MYO5C: variants seen among roughly 807,000 people sequenced by gnomAD.
MYO5C encodes the protein unconventional myosin-Vc.
Under a neutral mutation model 235.7 loss-of-function variants are expected in MYO5C, and 194 were observed. The ratio of observed to expected loss-of-function variants is 0.82; its 90% CI spans 0.73 to 0.93. The LOEUF is 0.93. Ranked by LOEUF, MYO5C falls within the 40% of genes least tolerant of loss-of-function variation. The pLI, the probability that MYO5C is intolerant of heterozygous loss-of-function variation, is 0.00. For synonymous variants in MYO5C, 707 were observed against 754.8 expected, an observed-to-expected ratio of 0.94 and a Z score of 1.04; for missense variants, 2,038 against 2,127.2, an observed-to-expected ratio of 0.96 and a Z score of 0.82.
At chr15:52,253,977 C>G (rs1189503287) in intron 11 of MYO5C, among the ~76,000 whole-genome samples, 1 of 99,642 alleles carries the variant, frequency 1.0e-5, no homozygotes, top group East Asian at 3.2e-4. Flanking sequence ...GTTTGGCTGG[C>G]AGGTGGTGAG....
Position 52,193,755 on chromosome 15 carries a change from AGT to A in MYO5C, c.*145_*146del. 2 of 766,656 alleles carry A rather than the reference AGT, an allele frequency of 2.6e-6. No homozygotes were observed. Among genetic ancestry groups the A allele is most frequent in the Non-Finnish European group, 4.2e-6 (2 of 480,130 alleles). 47.5% of individuals were successfully genotyped at this position (766,656 alleles called of 1,614,324 possible). The stretch of plus-strand genomic sequence containing the variant: ...TTACAGGAGCAGCATTGTCACTGTG[AGT>A]GAGAGATGATGTGGTCCATTTGAGA... On this transcript the variant is annotated 3_prime_UTR_variant, in exon 41 of 41. Transcript: ENST00000261839.
At chr15:52,268,504 G>A (rs957338258) in intron 8 of MYO5C, among the ~76,000 whole-genome samples, 7 of 151,734 alleles carry the variant, frequency 4.6e-5, no homozygotes, top group East Asian at 1.9e-4. Flanking sequence ...CAGAGGTTGC[G>A]CCACTGCACT....
chr15:52,247,385 C>T (rs2036373507), intron 15 of MYO5C, 73 bp downstream of exon 15: 2 of 1,533,766 alleles, frequency 1.3e-6, no homozygotes, highest in Admixed American at 2.0e-5. Flanking sequence ...GAATGCGGGT[C>T]CTCTGAGTGC....
intron 10 of MYO5C, among the ~76,000 whole-genome samples, chr15:52,259,276 C>T (rs1031237697): frequency 6.6e-6 from 1 of 151,798 alleles, no homozygotes; most frequent in Admixed American, 6.6e-5. Context: ...AAAAATCAGC[C>T]GGGCGTAGTG....
intron 33 of MYO5C, chr15:52,213,557 G>C (rs1012148952): frequency 3.8e-6 from 1 of 264,596 alleles, no homozygotes. Context: ...CCAGCACATG[G>C]TAACAGGAAA....
In MYO5C at chr15:52,206,402, C is replaced by T. The variant is rs558028729; in HGVS notation, c.4387-436G>A. ...GTGTGTTATGGATTTTATGTGTCTT[C>T]CTAAAAATCATACATTGAAGCCCTA... On this transcript the variant is annotated intron_variant, in intron 36 of 40. Coordinates refer to ENST00000261839, the MANE Select transcript of MYO5C (RefSeq NM_018728.4). Among the ~76,000 whole-genome samples the T allele has an allele frequency of 3.3e-5, 5 of 152,190 alleles. No homozygotes were observed. In the South Asian group the frequency reaches 8.3e-4, roughly 25 times the overall value.
At chr15:52,218,082 C>G (rs2035593631) in intron 32 of MYO5C, among the ~76,000 whole-genome samples, 1 of 152,212 alleles carries the variant, frequency 6.6e-6, no homozygotes, top group African/African-American at 2.4e-5. Flanking sequence ...CCATCGACAT[C>G]ATGATCATTT....
intron 21 of MYO5C, among the ~76,000 whole-genome samples, chr15:52,238,876 C>T (rs933498298): frequency 2.0e-5 from 3 of 151,580 alleles, no homozygotes; most frequent in Admixed American, 6.6e-5. Context: ...CTCCTGACCT[C>T]GTGATCCACC....
In MYO5C at chr15:52,214,663, C is replaced by G. The variant is rs751596445; in HGVS notation, c.3982G>C (p.Asp1328His). The G allele has an allele frequency of 6.2e-7, 1 of 1,607,484 alleles. No homozygotes were observed. The highest frequency in any genetic ancestry group is 1.1e-5 in the South Asian group (1 of 89,966). The change falls in exon 33 of 41, where the codon GAC (aspartate) becomes CAC (histidine). Residue 1328 changes from aspartate to histidine, a missense_variant. By Grantham distance (81) the Asp-to-His change is moderately conservative. Coordinates refer to ENST00000261839, the MANE Select transcript of MYO5C (RefSeq NM_018728.4). Reference sequence around the variant, plus strand: ...TCTTGTAGCTTTTTAATCACTCTGTCTTTCATGTCTAATTCTTCTTCAAGA... The same window carrying G: ...TCTTGTAGCTTTTTAATCACTCTGTGTTTCATGTCTAATTCTTCTTCAAGA... ...RDLEEELDMK[D>H]RVIKKLQDQV... is the part of the protein sequence containing the mutation.
chr15:52,250,289 C>G (rs1053538866), intron 13 of MYO5C, among the ~76,000 whole-genome samples: 1 of 133,570 alleles, frequency 7.5e-6, no homozygotes, highest in African/African-American at 2.8e-5. Context: ...GTCAGCCAGG[C>G]TGGAGTGCAG....
rs1185303699 is a variant in MYO5C at position 52,271,846 on chromosome 15, T to C, written c.751-2A>G. On this transcript the variant is annotated splice_acceptor_variant, in intron 6 of 40. Transcript: ENST00000261839. LOFTEE classifies it high-confidence loss of function. ...GTGGTAATTTCGTTCATTTTCCGAC[T>C]GTAAGATAAAGAAATGTCCTCAAAA... 4 of 1,580,250 alleles carry C rather than the reference T, an allele frequency of 2.5e-6. No homozygotes were observed. Among genetic ancestry groups the C allele is most frequent in the Admixed American group, 3.5e-5 (2 of 57,794 alleles).
chr15:52,269,729 C>A (rs779706496), intron 8 of MYO5C, 24 bp downstream of exon 8: 3 of 1,449,518 alleles, frequency 2.1e-6, no homozygotes, highest in Non-Finnish European at 2.9e-6. Context: ...TGGCTACATA[C>A]TTGGATGGGA....
intron 35 of MYO5C, among the ~76,000 whole-genome samples, chr15:52,209,788 G>A (rs1365833301): frequency 6.6e-6 from 1 of 152,156 alleles, no homozygotes; most frequent in Admixed American, 6.5e-5. Context: ...GGTGGCTCCT[G>A]TGAAGATGGT....
intron 38 of MYO5C, among the ~76,000 whole-genome samples, chr15:52,198,321 G>A (rs1380141909): frequency 6.6e-6 from 1 of 152,184 alleles, no homozygotes; most frequent in African/African-American, 2.4e-5. Flanking sequence ...GGCGACAAGA[G>A]TGAGACTTTC....
intron 38 of MYO5C, among the ~76,000 whole-genome samples, chr15:52,198,038 A>C (rs1241769785): frequency 6.6e-6 from 1 of 152,172 alleles, no homozygotes; most frequent in Non-Finnish European, 1.5e-5. Context: ...CTCTAAAGTC[A>C]GTTCCAGCTC....
At chr15:52,218,248 G>T (rs893734452) in intron 32 of MYO5C, among the ~76,000 whole-genome samples, 2 of 152,080 alleles carry the variant, frequency 1.3e-5, no homozygotes, top group Non-Finnish European at 2.9e-5. Flanking sequence ...TCCATCCTGG[G>T]TGGTGCCGTG....
chr15:52,222,504 G>A (rs1335118434), intron 29 of MYO5C, among the ~76,000 whole-genome samples: 1 of 152,184 alleles, frequency 6.6e-6, no homozygotes, highest in African/African-American at 2.4e-5. Flanking sequence ...AAGGCAGAGA[G>A]GGCAAGATTA....
intron 4 of MYO5C, among the ~76,000 whole-genome samples, 156 bp from the exon 5 acceptor site, chr15:52,275,874 T>C (rs2037038210): frequency 6.6e-6 from 1 of 152,214 alleles, no homozygotes; most frequent in South Asian, 2.1e-4. Context: ...TTTTTTTTTC[T>C]ATGTGATCGT....
chr15:52,246,813 C>A (rs373283979), intron 16 of MYO5C, 104 bp downstream of exon 16: 52 of 817,912 alleles, frequency 6.4e-5, no homozygotes, highest in South Asian at 2.5e-4. Context: ...TAAAAAAAAA[C>A]CCAGAAACAG....
Sources: gnomAD v4.1 joint callset for allele counts (sites outside exome capture counted in the v4.1 genomes callset) on GRCh38, gnomAD v4.1.1 for gene constraint, MANE v1.5 for transcripts, NCBI Gene and HGNC (gene_info 2026-07-23, HGNC 2026-07-21) for gene names.